The following CCSER1 variants were observed in gnomAD, a reference collection of about 807,000 sequenced individuals.
The protein encoded by CCSER1 is coiled-coil serine rich protein 1, also known as serine-rich coiled-coil domain-containing protein 1.
Under a neutral mutation model 82.0 loss-of-function variants are expected in CCSER1, and 41 were observed. The observed-to-expected ratio is 0.50, with a 90% confidence interval of 0.39 to 0.65. The LOEUF is 0.65. Ranked by LOEUF, CCSER1 falls within the 30% of genes least tolerant of loss-of-function variation. The pLI, the probability that CCSER1 is intolerant of heterozygous loss-of-function variation, is 0.00. For missense variants in CCSER1, 1,119 were observed against 1,064.2 expected, an observed-to-expected ratio of 1.05 and a Z score of -0.72; for synonymous variants, 414 against 383.9, an observed-to-expected ratio of 1.08 and a Z score of -0.92.
intron 9 of CCSER1, among the ~76,000 whole-genome samples, chr4:90,928,468 C>CA (rs1292374200): frequency 3.3e-5 from 5 of 151,988 alleles, no homozygotes; most frequent in Non-Finnish European, 7.4e-5. Flanking sequence ...TTTAACCAAA[C>CA]AAAAAATATT....
At chr4:90,469,535 A>ACG (rs1314597829) in intron 5 of CCSER1, among the ~76,000 whole-genome samples, 20 of 150,264 alleles carry the variant, frequency 1.3e-4, no homozygotes, top group African/African-American at 4.9e-4. Context: ...ACACACACAC[A>ACG]CACACACACA....
intron 10 of CCSER1, among the ~76,000 whole-genome samples, chr4:91,263,199 T>G (rs1741325148): frequency 6.6e-6 from 1 of 152,022 alleles, no homozygotes; most frequent in African/African-American, 2.4e-5. Context: ...TGTTCAGAGA[T>G]TTGCCTCAAT....
intron 10 of CCSER1, among the ~76,000 whole-genome samples, chr4:91,362,318 A>G (rs545680583): frequency 1.3e-5 from 2 of 151,720 alleles, no homozygotes; most frequent in Non-Finnish European, 2.9e-5. Flanking sequence ...CCATGTGAGT[A>G]GGAGTATGGG....
intron 10 of CCSER1, among the ~76,000 whole-genome samples, chr4:91,357,918 CT>C (rs1176919702): frequency 1.0e-5 from 1 of 99,516 alleles, no homozygotes; most frequent in African/African-American, 3.9e-5. Context: ...ATAACCATTC[CT>C]TTTTTTAAAG....
In CCSER1 at chr4:90,932,974, G is replaced by GAA. The variant is rs1491368405; in HGVS notation, c.2172+9529_2172+9530dup. On this transcript the variant is annotated intron_variant, in intron 9 of 10. Coordinates refer to ENST00000509176, the MANE Select transcript of CCSER1 (RefSeq NM_001145065.2). ...AGAAAGAAAGAAAGAAAGAAAGAAAGAAAGAAAGAGAAAGAAAGAAAGAAA... is the reference window on the plus strand; with the variant it reads ...AGAAAGAAAGAAAGAAAGAAAGAAAGAAAAAGAAAGAGAAAGAAAGAAAGAAA... 9.8e-5 allele frequency among the ~76,000 whole-genome samples: 3 copies of GAA among 30,476 alleles called. 1 individual carries two copies. The highest frequency in any genetic ancestry group is 7.9e-4 in the African/African-American group (3 of 3,812). 20.0% of individuals were successfully genotyped at this position (30,476 alleles called of 152,430 possible). A position where few individuals can be genotyped will look rare whatever the true frequency, so the allele number is the denominator to read the frequency against.
At chr4:91,210,172 C>T (rs1021451441) in intron 10 of CCSER1, among the ~76,000 whole-genome samples, 1 of 151,520 alleles carries the variant, frequency 6.6e-6, no homozygotes, top group Non-Finnish European at 1.5e-5. Context: ...ATACATTGTG[C>T]ACCTAAACAA....
intron 10 of CCSER1, among the ~76,000 whole-genome samples, chr4:91,387,847 A>G (rs2149346023): frequency 6.6e-6 from 1 of 152,180 alleles, no homozygotes; most frequent in Middle Eastern, 3.4e-3. Flanking sequence ...TTTAAATTAA[A>G]CTTAAAAGAC....
At chr4:90,685,091 G>T (rs556872089) in intron 6 of CCSER1, among the ~76,000 whole-genome samples, 11 of 152,202 alleles carry the variant, frequency 7.2e-5, no homozygotes, top group African/African-American at 2.6e-4. Flanking sequence ...GTTTTGATCT[G>T]CAAGTCACAG....
intron 10 of CCSER1, among the ~76,000 whole-genome samples, chr4:91,236,978 G>A (rs924493241): frequency 6.6e-6 from 1 of 152,190 alleles, no homozygotes; most frequent in East Asian, 1.9e-4. Flanking sequence ...ATTGAATGTG[G>A]AGTTAAAGAT....
chr4:91,095,301 A>G (rs1724395064), intron 10 of CCSER1, among the ~76,000 whole-genome samples: 1 of 151,896 alleles, frequency 6.6e-6, no homozygotes, highest in Non-Finnish European at 1.5e-5. Context: ...CCAATGTCCT[A>G]TTTCTTTACA....
intron 6 of CCSER1, among the ~76,000 whole-genome samples, chr4:90,716,825 C>A (rs1033607713): frequency 1.3e-5 from 2 of 152,146 alleles, no homozygotes; most frequent in Non-Finnish European, 2.9e-5. Flanking sequence ...TTCTCTTCAT[C>A]ATTAAGCAAC....
Position 90,734,084 on chromosome 4 carries a change from G to T in CCSER1, c.2010+10093G>T, listed in dbSNP as rs1434525019. Among the ~76,000 whole-genome samples the T allele has an allele frequency of 2.6e-5, 4 of 151,438 alleles. No homozygotes were observed. In the South Asian group the frequency reaches 8.3e-4, roughly 31 times the overall value. On this transcript the variant is annotated intron_variant, in intron 7 of 10. Coordinates refer to ENST00000509176, the MANE Select transcript of CCSER1 (RefSeq NM_001145065.2). ...GTGAAAAACGTCAATTTAATCTATA[G>T]ATTGCTATTTTTATTTTTATTTTTA...
At chr4:91,039,521 G>T (rs571406470) in intron 9 of CCSER1, among the ~76,000 whole-genome samples, 25 of 152,078 alleles carry the variant, frequency 1.6e-4, no homozygotes, top group Non-Finnish European at 3.2e-4. Flanking sequence ...TAATAGCTGT[G>T]TAATAGATAA....
chr4:90,504,420 A>C (rs750026929), intron 5 of CCSER1, among the ~76,000 whole-genome samples: 1 of 152,200 alleles, frequency 6.6e-6, no homozygotes, highest in Non-Finnish European at 1.5e-5. Context: ...TCTAGCCATG[A>C]AATAATAACA....
chr4:90,961,740 G>A (rs72665461), intron 9 of CCSER1, among the ~76,000 whole-genome samples: 1 of 151,788 alleles, frequency 6.6e-6, no homozygotes, highest in Non-Finnish European at 1.5e-5. Context: ...ATTCAGCATG[G>A]TAGAAAAATA....
intron 1 of CCSER1, among the ~76,000 whole-genome samples, chr4:90,176,409 G>T (rs1389895840): frequency 6.6e-6 from 1 of 151,982 alleles, no homozygotes; most frequent in African/African-American, 2.4e-5. Flanking sequence ...GACAGACCAT[G>T]GCTTGTCAAT....
chr4:90,846,499 A>G (rs1763252758), intron 8 of CCSER1, among the ~76,000 whole-genome samples: 1 of 152,226 alleles, frequency 6.6e-6, no homozygotes, highest in South Asian at 2.1e-4. Context: ...ATACATGCAG[A>G]TAATGTTTAA....
intron 1 of CCSER1, among the ~76,000 whole-genome samples, chr4:90,286,936 C>A (rs1354913486): frequency 2.6e-5 from 4 of 151,960 alleles, no homozygotes; most frequent in South Asian, 4.2e-4. Context: ...TTAATCATTG[C>A]AGAATGGAGA....
chr4:90,222,555 C>A (rs765982820), intron 1 of CCSER1, among the ~76,000 whole-genome samples: 9 of 152,146 alleles, frequency 5.9e-5, no homozygotes, highest in Non-Finnish European at 1.2e-4. Context: ...AGGGAAGGAA[C>A]AGATCACACA....
Sources: allele counts gnomAD v4.1 joint callset (sites outside exome capture counted in the v4.1 genomes callset), GRCh38; gene constraint gnomAD v4.1.1; transcripts MANE v1.5; gene names NCBI Gene and HGNC (gene_info 2026-07-23, HGNC 2026-07-21).